FERMT2: variants seen among roughly 807,000 people sequenced by gnomAD.
The protein encoded by FERMT2 is fermitin family homolog 2.
A neutral mutation model predicts 82.7 loss-of-function variants in FERMT2; 15 were observed. That is an observed-to-expected ratio of 0.18 (90% CI 0.12 to 0.28). The LOEUF (loss-of-function observed/expected upper bound fraction) is 0.28, where lower values mean the gene tolerates loss of function less well. FERMT2 is among the 10% of genes least tolerant of loss of function. FERMT2 has a pLI of 1.00. For synonymous variants in FERMT2, 274 were observed against 271.5 expected (o/e 1.01, Z -0.09); for missense variants, 645 against 809.4 (o/e 0.80, Z 2.46).
chr14:52,878,727 C>T (rs746311110), intron 6 of FERMT2, 38 bp from the exon 7 acceptor site: 1 of 1,082,346 alleles, frequency 9.2e-7, no homozygotes, highest in Non-Finnish European at 1.3e-6. Flanking sequence ...AATATATAAC[C>T]TTTACCATTG....
chr14:52,864,593 G>C lies in FERMT2; in HGVS notation c.1410C>G (p.Ala470=). The C allele has an allele frequency of 6.2e-7, 1 of 1,614,118 alleles. No homozygotes were observed. Among genetic ancestry groups the C allele is most frequent in the South Asian group, 1.1e-5 (1 of 91,086 alleles). The change falls in exon 12 of 15, where the codon GCC becomes GCG. Residue 470 remains alanine (A), a synonymous_variant. Transcript: ENST00000341590. The part of the protein sequence containing the change: ...NEKQYAHWMA[A]CRLASKGKTM... ...TCTTGCCTTTGGAGGCTAATCTGCA[G>C]GCTGCCATCCAGTGTGCATACTGTT...
chr14:52,921,363 T>C (rs17125915), intron 2 of FERMT2, among the ~76,000 whole-genome samples: 2,450 of 152,338 alleles, frequency 0.016, 57 homozygotes, highest in African/African-American at 0.056. Flanking sequence ...TCTGTGGTTT[T>C]GGCAAAGTCC....
intron 3 of FERMT2, among the ~76,000 whole-genome samples, chr14:52,906,803 A>G (rs978830549): frequency 3.3e-5 from 5 of 152,096 alleles, no homozygotes; most frequent in African/African-American, 7.2e-5. Flanking sequence ...TAAAAAAACT[A>G]TTTCAGGATA....
intron 8 of FERMT2, among the ~76,000 whole-genome samples, chr14:52,874,637 G>A (rs957348666): frequency 2.6e-5 from 4 of 152,082 alleles, no homozygotes; most frequent in Admixed American, 6.6e-5. Context: ...TCTTTTTGTA[G>A]TATTTCAAAT....
intron 4 of FERMT2, among the ~76,000 whole-genome samples, chr14:52,888,637 T>G (rs2139525748): frequency 6.6e-6 from 1 of 152,298 alleles, no homozygotes; most frequent in African/African-American, 2.4e-5. Context: ...TTTTAAGATT[T>G]CCTGCTTCCT....
intron 2 of FERMT2, among the ~76,000 whole-genome samples, chr14:52,937,157 G>A (rs1338511430): frequency 1.3e-5 from 2 of 151,908 alleles, no homozygotes; most frequent in East Asian, 1.9e-4. Flanking sequence ...GCAAGACTCT[G>A]TCTTAAAATA....
intron 2 of FERMT2, chr14:52,948,701 T>C (rs1224848514): frequency 1.5e-5 from 6 of 407,640 alleles, no homozygotes; most frequent in Non-Finnish European, 2.4e-5. Context: ...GATTCTATAA[T>C]AAACAGTCCT....
intron 2 of FERMT2, among the ~76,000 whole-genome samples, chr14:52,944,424 C>A (rs532410056): frequency 6.6e-6 from 1 of 152,328 alleles, no homozygotes; most frequent in South Asian, 2.1e-4. Context: ...AGGCACCATT[C>A]CACCAAATAA....
intron 3 of FERMT2, among the ~76,000 whole-genome samples, chr14:52,915,015 A>G (rs1030399270): frequency 6.6e-6 from 1 of 152,180 alleles, no homozygotes; most frequent in Non-Finnish European, 1.5e-5. Context: ...GAGTTCAGTA[A>G]GGTATCAGAT....
rs542868559 is a variant in FERMT2, at chr14:52,881,893, A to G, written c.527-424T>C. The stretch of plus-strand genomic sequence containing the variant: ...AAGGCCACAACAGAGGACAGAAACA[A>G]AAGAATGAAAAGAAAATGAGAAAAA... On this transcript the variant is annotated intron_variant, in intron 4 of 14. Transcript: ENST00000341590. 26 of 618,218 alleles carry G rather than the reference A, an allele frequency of 4.2e-5. No individual in the cohort carries two copies. In the African/African-American group the frequency reaches 4.6e-4, roughly 11 times the overall value. 38.3% of individuals were successfully genotyped at this position (618,218 alleles called of 1,614,324 possible).
chr14:52,941,556 C>G (rs557762457), intron 2 of FERMT2, among the ~76,000 whole-genome samples: 1 of 152,238 alleles, frequency 6.6e-6, no homozygotes, highest in Admixed American at 6.5e-5. Context: ...AGAAGTCACA[C>G]TTCTTAATTA....
intron 7 of FERMT2, among the ~76,000 whole-genome samples, chr14:52,876,052 ATAT>A (rs759988017): frequency 1.3e-5 from 2 of 152,238 alleles, no homozygotes; most frequent in Non-Finnish European, 2.9e-5. Context: ...CTTAGAACAA[ATAT>A]TATGTTAAGC....
chr14:52,882,232 T>A (rs1185971710), intron 4 of FERMT2, among the ~76,000 whole-genome samples: 1 of 152,130 alleles, frequency 6.6e-6, no homozygotes, highest in African/African-American at 2.4e-5. Context: ...TTTTTTTTAA[T>A]TTTTAAGTTC....
At chr14:52,942,538 G>T (rs948772328) in intron 2 of FERMT2, among the ~76,000 whole-genome samples, 1 of 151,896 alleles carries the variant, frequency 6.6e-6, no homozygotes, top group African/African-American at 2.4e-5. Context: ...TCCTGACCTC[G>T]TGAGCCACCT....
At position 52,878,028 on chromosome 14, in the gene FERMT2, G is replaced by A. The variant is rs187061589; in HGVS notation, c.963+554C>T. On this transcript the variant is annotated intron_variant, in intron 7 of 14. Transcript: ENST00000341590. ...CCTATAATTCTGAAGGAGGTGGTAT[G>A]TAAGAACCACATATGAAAAAACTGG... Among the ~76,000 whole-genome samples the A allele has an allele frequency of 5.2e-4, 79 of 152,274 alleles. 2 individuals carry two copies. Among genetic ancestry groups the A allele is most frequent in the Non-Finnish European group, 1.3e-4 (9 of 68,004 alleles).
chr14:52,864,698 G>C (rs745919726), intron 11 of FERMT2, 49 bp downstream of exon 11: 3 of 1,567,928 alleles, frequency 1.9e-6, no homozygotes, highest in Non-Finnish European at 2.6e-6. Flanking sequence ...AGGATGACTG[G>C]TCAACTCATT....
chr14:52,908,679 T>C (rs1888150840), intron 3 of FERMT2, among the ~76,000 whole-genome samples: 1 of 152,210 alleles, frequency 6.6e-6, no homozygotes, highest in Non-Finnish European at 1.5e-5. Context: ...CAGAGGGGCA[T>C]CAGGGAACTG....
In FERMT2 at chr14:52,950,470, C is replaced by G. The variant is rs1215416814; in HGVS notation, c.99G>C (p.Leu33=). 1 of 1,614,110 alleles carries G rather than the reference C, an allele frequency of 6.2e-7. No homozygotes were observed. Among genetic ancestry groups the G allele is most frequent in the Admixed American group, 1.7e-5 (1 of 60,034 alleles). The stretch of plus-strand genomic sequence containing the variant: ...CAATGTGCACCTCGCCGGTCACTCT[C>G]AGGGTGACATCGCGGTTCAGGTCCG... ...HVTDLNRDVT[L]RVTGEVHIGG... is the part of the protein sequence containing the mutation. The change falls in exon 2 of 15, where the codon CTG becomes CTC. Residue 33 remains leucine (L), a synonymous_variant. Transcript: ENST00000341590.
At chr14:52,903,434 A>G (rs1887793270) in intron 3 of FERMT2, among the ~76,000 whole-genome samples, 1 of 152,114 alleles carries the variant, frequency 6.6e-6, no homozygotes, top group Admixed American at 6.6e-5. Flanking sequence ...GCTACTGGAG[A>G]AGCTGAAGCA....
Sources: gnomAD v4.1 joint callset for allele counts (sites outside exome capture counted in the v4.1 genomes callset) on GRCh38, gnomAD v4.1.1 for gene constraint, MANE v1.5 for transcripts, NCBI Gene and HGNC (gene_info 2026-07-23, HGNC 2026-07-21) for gene names.